Variants in CPLANE1 observed in about 807,000 individuals in gnomAD.
CPLANE1 encodes the protein ciliogenesis and planar polarity effector complex subunit 1, also known as ciliogenesis and planar polarity effector 1.
A neutral mutation model predicts 362.5 loss-of-function variants in CPLANE1; 263 were observed. The ratio of observed to expected loss-of-function variants is 0.73; its 90% confidence interval spans 0.66 to 0.80. The LOEUF (loss-of-function observed/expected upper bound fraction) is 0.80, where lower values mean the gene tolerates loss of function less well. Among genes scored for constraint, CPLANE1 ranks in the 30% least tolerant of loss-of-function variants. The pLI is 0.00. For synonymous variants in CPLANE1, 1,212 were observed against 1,302.6 expected (o/e 0.93, Z 1.50); for missense variants, 3,461 against 3,793.4 (o/e 0.91, Z 2.30).
intron 23 of CPLANE1, 89 bp from the exon 24 acceptor site, chr5:37,186,483 AT>A: frequency 1.5e-6 from 1 of 687,920 alleles, no homozygotes; most frequent in East Asian, 2.6e-5. Flanking sequence ...AACTCAAAAT[AT>A]AAATGCACAT....
chr5:37,197,560 T>C (rs1252617597), intron 20 of CPLANE1, among the ~76,000 whole-genome samples: 1 of 152,150 alleles, frequency 6.6e-6, no homozygotes, highest in East Asian at 1.9e-4. Context: ...TGTGAGACTC[T>C]AAGCAGAGAC....
chr5:37,124,460 A>C (rs533521136), intron 47 of CPLANE1, among the ~76,000 whole-genome samples: 2 of 152,320 alleles, frequency 1.3e-5, no homozygotes, highest in Non-Finnish European at 2.9e-5. Flanking sequence ...CAGAACTGAC[A>C]TTGTTCTGTT....
chr5:37,132,220 T>C (rs1239011806), intron 46 of CPLANE1, among the ~76,000 whole-genome samples: 1 of 152,038 alleles, frequency 6.6e-6, no homozygotes, highest in Non-Finnish European at 1.5e-5. Context: ...CAGAAAATAA[T>C]GAGGTCTTAT....
intron 15 of CPLANE1, among the ~76,000 whole-genome samples, chr5:37,216,350 C>A (rs1419672227): frequency 1.3e-5 from 2 of 152,064 alleles, no homozygotes; most frequent in African/African-American, 4.8e-5. Context: ...GAGTTTGATA[C>A]CAGCCTGGGC....
chr5:37,209,151 A>G lies in CPLANE1; in HGVS notation c.2921-2726T>C, dbSNP rs1432573380. ...TCCTCACTCATTCCTCAGAACCGCG[A>G]AGAAAGGAAGCTAGCGTGTTTGTTA... On this transcript the variant is annotated intron_variant, in intron 16 of 52. Transcript: ENST00000651892. The surrounding 1 kb of genome is among the most constrained non-coding windows in gnomAD (Gnocchi z 4.6). Among the ~76,000 whole-genome samples the G allele has an allele frequency of 6.6e-6, 1 of 152,166 alleles. No individual in the cohort carries two copies. The highest frequency in any genetic ancestry group is 1.5e-5 in the Non-Finnish European group (1 of 68,040).
In CPLANE1 at chr5:37,180,185, T is replaced by A. The variant is rs766902671; in HGVS notation, c.5571-2A>T. 6.9e-7 allele frequency: 1 copy of A among 1,452,404 alleles called. No homozygotes were observed. Among genetic ancestry groups the A allele is most frequent in the African/African-American group, 1.5e-5 (1 of 68,474 alleles). The allele number at this position is 1,452,404 out of a possible 1,614,324, so 90.0% of individuals were successfully genotyped here. On this transcript the variant is annotated splice_acceptor_variant, in intron 27 of 52. Coordinates refer to ENST00000651892, the MANE Select transcript of CPLANE1 (RefSeq NM_001384732.1). LOFTEE classifies it high-confidence loss of function. ...TTTTTTGCTTCAGTTGGCATTCTAC[T>A]GAAAAAAATGCAGCAACTAAAATTA...
In CPLANE1 at chr5:37,169,372, T is replaced by C. The variant is rs1355023938; in HGVS notation, c.6652A>G (p.Thr2218Ala). The C allele has an allele frequency of 3.7e-6, 6 of 1,614,164 alleles. No homozygotes were observed. The highest frequency in any genetic ancestry group is 2.2e-5 in the South Asian group (2 of 91,080). ...KAPRLIPHAK[T>A]FSPGDGFPLL... is the part of the protein sequence containing the mutation. Reference sequence around the variant, plus strand: ...GGAAAGCCATCACCAGGACTAAATGTTTTTGCATGTGGGATAAGTCTAGGT... The same window carrying C: ...GGAAAGCCATCACCAGGACTAAATGCTTTTGCATGTGGGATAAGTCTAGGT... Residue 2218 changes from threonine to alanine, a missense_variant, in exon 34 of 53, where the codon ACA becomes GCA. Transcript: ENST00000651892.
chr5:37,245,667 A>G (rs777067553), intron 3 of CPLANE1, 43 bp downstream of exon 3: 6 of 1,475,234 alleles, frequency 4.1e-6, no homozygotes, highest in South Asian at 2.9e-5. Context: ...AAGTTATTAA[A>G]AAATATAGTT....
Position 37,243,127 on chromosome 5 carries a change from T to G in CPLANE1, c.571-8A>C. 1 of 1,426,922 alleles carries G rather than the reference T, an allele frequency of 7.0e-7. No individual in the cohort carries two copies. The highest frequency in any genetic ancestry group is 9.5e-7 in the Non-Finnish European group (1 of 1,048,970). 88.4% of individuals were successfully genotyped at this position (1,426,922 alleles called of 1,614,324 possible). A position where few individuals can be genotyped will look rare whatever the true frequency, so the allele number is the denominator to read the frequency against. On this transcript the variant is annotated splice_region_variant and splice_polypyrimidine_tract_variant and intron_variant, in intron 5 of 52. Coordinates refer to ENST00000651892, the MANE Select transcript of CPLANE1 (RefSeq NM_001384732.1). ...GCAGCAGTCTCCAAATAACTGTAGA[T>G]AAATTTAATATACTTTAGTATAAAA...
At chr5:37,192,582 T>C (rs1238103158) in intron 21 of CPLANE1, among the ~76,000 whole-genome samples, 1 of 151,980 alleles carries the variant, frequency 6.6e-6, no homozygotes, top group African/African-American at 2.4e-5. Context: ...ATACCTCATC[T>C]GGCCAGGCAC....
At chr5:37,097,116 A>AG in the CPLANE1 span, among the ~76,000 whole-genome samples, 1 of 152,224 alleles carries the variant, frequency 6.6e-6, no homozygotes. Context: ...TAAGAGGCAG[A>AG]GATGGAAGAA....
At chr5:37,140,211 T>C (rs1769249265) in intron 44 of CPLANE1, 1 of 884,842 alleles carries the variant, frequency 1.1e-6, no homozygotes, top group Non-Finnish European at 1.4e-6. Flanking sequence ...TGAATTAATA[T>C]AGGGAAAAGT....
In CPLANE1 at chr5:37,138,826, T is replaced by C; in HGVS notation, c.8686A>G (p.Met2896Val). Residue 2896 changes from methionine (M) to valine (V), a missense_variant, in exon 46 of 53, where the codon ATG becomes GTG. Physicochemically the swap from Met to Val is conservative, Grantham distance 21. This residue lies in a region of CPLANE1 where 3,380 missense variants were observed against 3,666.1 expected (regional missense o/e 0.92). Transcript: ENST00000651892. ...CESVSVHPLQ[M>V]TGLTDIADII... ...TCTGCAATATCAGTCAATCCAGTCA[T>C]CTGGAGCGGATGTACTGAAACACTT... The C allele has an allele frequency of 1.2e-6, 2 of 1,610,898 alleles. No individual in the cohort carries two copies. The highest frequency in any genetic ancestry group is 1.7e-6 in the Non-Finnish European group (2 of 1,179,042).
chr5:37,234,381 TAA>T (rs879842984), intron 8 of CPLANE1, among the ~76,000 whole-genome samples: 7 of 99,380 alleles, frequency 7.0e-5, no homozygotes, highest in Non-Finnish European at 6.5e-5. Context: ...GGAGAAAGAT[TAA>T]AAAAAAAAAA....
chr5:37,096,918 C>T, the CPLANE1 span, among the ~76,000 whole-genome samples: 9 of 151,866 alleles, frequency 5.9e-5, no homozygotes, highest in African/African-American at 1.9e-4. Flanking sequence ...TAGATGTTGG[C>T]GTGGATGCAG....
chr5:37,169,042 G>C lies in CPLANE1; in HGVS notation c.6982C>G (p.Pro2328Ala), dbSNP rs755609467. The C allele has an allele frequency of 6.2e-7, 1 of 1,614,160 alleles. No individual in the cohort carries two copies. The highest frequency in any genetic ancestry group is 2.2e-5 in the East Asian group (1 of 44,884). The change falls in exon 34 of 53, where the codon CCT becomes GCT. Residue 2328 changes from proline (P) to alanine (A), a missense_variant. Around this residue, in one of 2 missense-constraint regions of CPLANE1, gnomAD observed 3,380 missense variants for 3,666.1 expected, o/e 0.92. Transcript: ENST00000651892. The part of the protein sequence containing the change: ...DQYVGQENLT[P>A]QQDSSVFIKP... Reference sequence around the variant, plus strand: ...ATAAACACTGAAGAGTCCTGTTGAGGTGTCAAATTTTCTTGTCCAACATAT... The same window carrying C: ...ATAAACACTGAAGAGTCCTGTTGAGCTGTCAAATTTTCTTGTCCAACATAT...
intron 30 of CPLANE1, among the ~76,000 whole-genome samples, chr5:37,176,624 A>T (rs935009536): frequency 1.3e-5 from 2 of 152,170 alleles, no homozygotes; most frequent in African/African-American, 4.8e-5. Context: ...TAATTTTCCG[A>T]AGGAATCATT....
In CPLANE1 at chr5:37,141,953, A is replaced by T. The variant is rs79010416; in HGVS notation, c.8632+357T>A. The T allele has an allele frequency of 4.2e-3, 2,226 of 535,584 alleles. 44 individuals are homozygous for T. The African/African-American group carries it at 0.043, about 10-fold the overall frequency. 33.2% of individuals were successfully genotyped at this position (535,584 alleles called of 1,614,324 possible). A position where few individuals can be genotyped will look rare whatever the true frequency, so the allele number is the denominator to read the frequency against. On this transcript the variant is annotated intron_variant, in intron 44 of 52. Transcript: ENST00000651892. ...GATGTTTGGCACATGGTAGAGGCTC[A>T]AGAAATGATGGCTACTATTTTGTTT... is the stretch of plus-strand genomic sequence containing the variant.
chr5:37,128,748 A>G (rs1213330767), intron 46 of CPLANE1, among the ~76,000 whole-genome samples: 1 of 152,024 alleles, frequency 6.6e-6, no homozygotes, highest in East Asian at 1.9e-4. Context: ...AATCCCAGCT[A>G]CTAGGGAGGC....
Sources: allele counts gnomAD v4.1 joint callset (sites outside exome capture counted in the v4.1 genomes callset), GRCh38; gene constraint gnomAD v4.1.1; regional missense constraint gnomAD v4.1.1; non-coding constraint Gnocchi (gnomAD v3.1); transcripts MANE v1.5; gene names NCBI Gene and HGNC (gene_info 2026-07-23, HGNC 2026-07-21).